The following RABEPK variants were observed in gnomAD, a reference collection of about 807,000 sequenced individuals.
RABEPK encodes 40 kDa Rab9 effector protein.
Under a neutral mutation model 34.1 loss-of-function variants are expected in RABEPK, and 27 were observed. The observed-to-expected ratio is 0.79, with a 90% CI of 0.58 to 1.09. The LOEUF (loss-of-function observed/expected upper bound fraction) is 1.09, where lower values mean the gene tolerates loss of function less well. Among genes scored for constraint, RABEPK ranks in the 50% least tolerant of loss-of-function variants. The pLI is 0.00. For missense variants in RABEPK, 449 were observed against 462.6 expected, an observed-to-expected ratio of 0.97 and a Z score of 0.27; for synonymous variants, 172 against 169.2, an observed-to-expected ratio of 1.02 and a Z score of -0.13.
chr9:125,202,541 A>G (rs1829976161), intron 1 of RABEPK, among the ~76,000 whole-genome samples: 1 of 148,802 alleles, frequency 6.7e-6, no homozygotes, highest in Non-Finnish European at 1.5e-5. Flanking sequence ...ATAAAGATAA[A>G]TACATAGGCC....
intron 2 of RABEPK, among the ~76,000 whole-genome samples, chr9:125,207,222 C>A (rs1423546230): frequency 6.6e-6 from 1 of 152,080 alleles, no homozygotes; most frequent in Non-Finnish European, 1.5e-5. Context: ...CCAGATCTGT[C>A]TGAATTCATA....
intron 5 of RABEPK, chr9:125,221,480 G>T (rs1831329291): frequency 6.6e-6 from 1 of 151,708 alleles, no homozygotes; most frequent in Admixed American, 6.6e-5. Context: ...CTTGGCAACA[G>T]AGCGAGACTC....
intron 4 of RABEPK, 100 bp from the exon 5 acceptor site, chr9:125,220,439 G>A: frequency 6.6e-7 from 1 of 1,513,070 alleles, no homozygotes; most frequent in Non-Finnish European, 8.8e-7. Flanking sequence ...TGGCCCCCCT[G>A]GGGATTGGAG....
chr9:125,202,164 G>A (rs773939334), intron 1 of RABEPK, among the ~76,000 whole-genome samples: 108 of 152,096 alleles, frequency 7.1e-4, no homozygotes, highest in Non-Finnish European at 1.3e-3. Flanking sequence ...GCAGTGAGCT[G>A]AGATCCTGCC....
At chr9:125,223,763 A>G (rs897426528) in intron 5 of RABEPK, among the ~76,000 whole-genome samples, 10 of 150,560 alleles carry the variant, frequency 6.6e-5, no homozygotes, top group Non-Finnish European at 1.3e-4. Flanking sequence ...TAAGGAACAT[A>G]TTTATGCAGA....
intron 6 of RABEPK, among the ~76,000 whole-genome samples, chr9:125,232,146 G>T (rs868246324): frequency 6.6e-6 from 1 of 151,602 alleles, no homozygotes; most frequent in Non-Finnish European, 1.5e-5. Flanking sequence ...TGATCCGCCC[G>T]CCTCGGCCTC....
rs1364333120 is a variant in RABEPK, at chr9:125,232,644, G to C, written c.725G>C (p.Gly242Ala). ...KLNPTGAAPA[G>A]CAAHSAVAMG... ...AATCCCACTGGGGCTGCTCCAGCAG[G>C]CTGTGCTGCCCACTCAGCTGTGGCC... Residue 242 changes from glycine (G) to alanine (A), a missense_variant, in exon 7 of 8, where the codon GGC (glycine) becomes GCC (alanine). Gly to Ala is a moderately conservative substitution (Grantham distance 60). Coordinates refer to ENST00000373538, the MANE Select transcript of RABEPK (RefSeq NM_005833.4). 2 of 1,614,088 alleles carry C rather than the reference G, an allele frequency of 1.2e-6. No homozygotes were observed. Among genetic ancestry groups the C allele is most frequent in the Non-Finnish European group, 1.7e-6 (2 of 1,179,940 alleles).
Position 125,233,689 on chromosome 9 carries a change from A to G in RABEPK, c.828A>G (p.Glu276=), listed in dbSNP as rs149040531. The G allele has an allele frequency of 6.2e-7, 1 of 1,611,078 alleles. No homozygotes were observed. Among genetic ancestry groups the G allele is most frequent in the East Asian group, 2.2e-5 (1 of 44,832 alleles). ...ALDTMYQYHT[E]EQHWTLLKFD... ...AAGCCTTTTCCCTCCCCAACATAGAAGAGCAGCATTGGACCTTGCTTAAAT... is the reference window on the plus strand; with the variant it reads ...AAGCCTTTTCCCTCCCCAACATAGAGGAGCAGCATTGGACCTTGCTTAAAT... Residue 276 remains glutamate, a splice_region_variant and synonymous_variant, in exon 8 of 8, where the codon GAA becomes GAG. Coordinates refer to ENST00000373538, the MANE Select transcript of RABEPK (RefSeq NM_005833.4).
intron 1 of RABEPK, among the ~76,000 whole-genome samples, chr9:125,202,291 C>T (rs534653716): frequency 7.8e-4 from 118 of 151,102 alleles, no homozygotes; most frequent in African/African-American, 2.7e-3. Flanking sequence ...GAGGCTGAGG[C>T]GGGCAAATCA....
intron 2 of RABEPK, among the ~76,000 whole-genome samples, chr9:125,203,430 C>G (rs893105736): frequency 6.6e-6 from 1 of 152,108 alleles, no homozygotes; most frequent in South Asian, 2.1e-4. Context: ...TTCAAACAAC[C>G]CTTTATTCAA....
rs1327047527 is a variant in RABEPK, at chr9:125,220,658, G to T, written c.484G>T (p.Ala162Ser). ...LYVFGGGERG[A>S]QPVQDTKLHV... is the part of the protein sequence containing the mutation. ...TGTCTTTGGGGGCGGAGAGAGAGGT[G>T]CCCAGCCCGTGCAGGACACGAAGCT... The change falls in exon 5 of 8, where the codon GCC (alanine) becomes TCC (serine). Residue 162 changes from alanine (A) to serine (S), a missense_variant. Physicochemically the swap from Ala to Ser is moderately conservative, Grantham distance 99 (BLOSUM62 1). Coordinates refer to ENST00000373538, the MANE Select transcript of RABEPK (RefSeq NM_005833.4). 1.9e-6 allele frequency: 3 copies of T among 1,614,182 alleles called. 1 individual carries two copies. The South Asian group carries it at 3.3e-5, about 18-fold the overall frequency.
At chr9:125,226,099 A>G (rs546719890) in intron 5 of RABEPK, among the ~76,000 whole-genome samples, 101 of 151,482 alleles carry the variant, frequency 6.7e-4, no homozygotes, top group African/African-American at 2.2e-3. Context: ...GCAGCAAGCC[A>G]AGATCGCACC....
intron 1 of RABEPK, among the ~76,000 whole-genome samples, chr9:125,202,148 G>A (rs1829948685): frequency 6.6e-6 from 1 of 152,086 alleles, no homozygotes; most frequent in Non-Finnish European, 1.5e-5. Context: ...CCGGGAGGCA[G>A]AGGTTGCAGT....
chr9:125,217,388 T>G (rs551943581), intron 4 of RABEPK, among the ~76,000 whole-genome samples: 3 of 150,862 alleles, frequency 2.0e-5, no homozygotes, highest in Non-Finnish European at 4.5e-5. Context: ...GTGATTTTAT[T>G]TTATTTATTT....
chr9:125,220,406 G>C, intron 4 of RABEPK, 133 bp from the exon 5 acceptor site: 1 of 1,476,702 alleles, frequency 6.8e-7, no homozygotes, highest in Non-Finnish European at 9.0e-7. Flanking sequence ...TTGTGAGTAT[G>C]AGATCCCTGC....
chr9:125,218,057 A>G (rs1179532464), intron 4 of RABEPK, among the ~76,000 whole-genome samples: 1 of 151,964 alleles, frequency 6.6e-6, no homozygotes, highest in African/African-American at 2.4e-5. Context: ...CACGCCTGTA[A>G]TCTCAGCACT....
In RABEPK at chr9:125,207,678, A is replaced by C; in HGVS notation, c.168A>C (p.Ala56=). The change falls in exon 3 of 8, where the codon GCA becomes GCC. Residue 56 remains alanine (A), a synonymous_variant. Coordinates refer to ENST00000373538, the MANE Select transcript of RABEPK (RefSeq NM_005833.4). ...KRGKVFIVGG[A]NPNRSFSDVH... Reference sequence around the variant, plus strand: ...GGAAGGTCTTCATTGTTGGGGGAGCAAATCCAAACAGAAGCTTCTCAGACG... The same window carrying C: ...GGAAGGTCTTCATTGTTGGGGGAGCCAATCCAAACAGAAGCTTCTCAGACG... The C allele has an allele frequency of 6.2e-7, 1 of 1,614,204 alleles. No individual in the cohort carries two copies. Among genetic ancestry groups the C allele is most frequent in the Non-Finnish European group, 8.5e-7 (1 of 1,180,026 alleles).
At chr9:125,214,792 C>CTTTTTT (rs34203731) in intron 4 of RABEPK, among the ~76,000 whole-genome samples, 1 of 138,916 alleles carries the variant, frequency 7.2e-6, no homozygotes, top group Non-Finnish European at 1.5e-5. Flanking sequence ...AATTTTCTGT[C>CTTTTTT]TTTTTTTTTT....
In RABEPK at chr9:125,232,708, T is replaced by C. The variant is rs1384260455; in HGVS notation, c.789T>C (p.Pro263=). 1 of 1,614,104 alleles carries C rather than the reference T, an allele frequency of 6.2e-7. No homozygotes were observed. Among genetic ancestry groups the C allele is most frequent in the Non-Finnish European group, 8.5e-7 (1 of 1,179,976 alleles). Residue 263 remains proline (P), a synonymous_variant, in exon 7 of 8, where the codon CCT becomes CCC. Coordinates refer to ENST00000373538, the MANE Select transcript of RABEPK (RefSeq NM_005833.4). Reference sequence around the variant, plus strand: ...TGTACATCTTTGGTGGAATGACTCCTGCAGGAGCACTGGACACAATGTACC... The same window carrying C: ...TGTACATCTTTGGTGGAATGACTCCCGCAGGAGCACTGGACACAATGTACC... ...KHVYIFGGMT[P]AGALDTMYQY...
Sources: allele counts gnomAD v4.1 joint callset (sites outside exome capture counted in the v4.1 genomes callset), GRCh38; gene constraint gnomAD v4.1.1; transcripts MANE v1.5; gene names NCBI Gene and HGNC (gene_info 2026-07-23, HGNC 2026-07-21).